The following NAALADL2 variants were observed in gnomAD, a reference collection of about 807,000 sequenced individuals.
The protein encoded by NAALADL2 is N-acetylated alpha-linked acidic dipeptidase like 2.
In NAALADL2, 76 loss-of-function variants were observed where a neutral mutation model predicts 87.2. The ratio of observed to expected loss-of-function variants is 0.87; its 90% CI spans 0.72 to 1.05. NAALADL2 has a LOEUF of 1.05. NAALADL2 is among the 50% of genes least tolerant of loss of function. NAALADL2 has a pLI of 0.00. For synonymous variants in NAALADL2, 354 were observed against 331.0 expected, an observed-to-expected ratio of 1.07 and a Z score of -0.75; for missense variants, 1,089 against 945.8, an observed-to-expected ratio of 1.15 and a Z score of -1.99.
intron 1 of NAALADL2, among the ~76,000 whole-genome samples, chr3:174,963,496 T>C (rs1483866093): frequency 6.6e-6 from 1 of 152,138 alleles, no homozygotes; most frequent in Admixed American, 6.6e-5. Flanking sequence ...GAAAACCTTA[T>C]AGTAACTAGA....
At chr3:174,802,685 A>G (rs981888934) in intron 3 of NAALADL2, among the ~76,000 whole-genome samples, 11 of 151,976 alleles carry the variant, frequency 7.2e-5, no homozygotes, top group Non-Finnish European at 1.2e-4. Context: ...CCCTGTGTCT[A>G]TGTGTTCCTG....
chr3:175,697,581 G>A (rs1181106168), intron 11 of NAALADL2, among the ~76,000 whole-genome samples: 1 of 151,552 alleles, frequency 6.6e-6, no homozygotes, highest in Non-Finnish European at 1.5e-5. Context: ...AGAGTTATGG[G>A]ATAACTCTGA....
intron 3 of NAALADL2, among the ~76,000 whole-genome samples, chr3:174,794,750 A>G (rs1191903406): frequency 6.6e-6 from 1 of 152,126 alleles, no homozygotes; most frequent in Non-Finnish European, 1.5e-5. Context: ...GCTGAGAAAT[A>G]AGATACTCTG....
At chr3:174,450,869 CAAAAAAAAAAAAA>C (rs761513802) in intron 1 of NAALADL2, among the ~76,000 whole-genome samples, 2 of 74,896 alleles carry the variant, frequency 2.7e-5, no homozygotes, top group Non-Finnish European at 5.3e-5. Context: ...GACTCTGTCT[CAAAAAAAAAAAAA>C]AAAAAAAAAA....
chr3:175,426,264 G>A (rs541114949), intron 5 of NAALADL2, among the ~76,000 whole-genome samples: 5 of 152,284 alleles, frequency 3.3e-5, no homozygotes, highest in African/African-American at 4.8e-5. Flanking sequence ...TTGGGAGGCC[G>A]AGGCAGGAGA....
At chr3:174,871,562 C>A (rs1417639919) in intron 1 of NAALADL2, among the ~76,000 whole-genome samples, 1 of 152,180 alleles carries the variant, frequency 6.6e-6, no homozygotes, top group Non-Finnish European at 1.5e-5. Context: ...CTTCTCTATA[C>A]ATCTTTCTGC....
At chr3:175,676,032 C>CATTATACATA (rs1361345655) in intron 11 of NAALADL2, 2 of 152,198 alleles carry the variant, frequency 1.3e-5, no homozygotes, top group Non-Finnish European at 2.9e-5. Flanking sequence ...CAATGTCTTA[C>CATTATACATA]ATGATACATA....
At chr3:174,704,551 TA>T (rs1729878074) in intron 2 of NAALADL2, among the ~76,000 whole-genome samples, 2 of 152,072 alleles carry the variant, frequency 1.3e-5, no homozygotes, top group African/African-American at 4.8e-5. Context: ...TACTGGAGGA[TA>T]AATGAGACAA....
intron 1 of NAALADL2, among the ~76,000 whole-genome samples, chr3:174,906,470 C>T (rs948445341): frequency 2.0e-5 from 3 of 152,130 alleles, no homozygotes; most frequent in African/African-American, 4.8e-5. Flanking sequence ...ATCTCTCTCA[C>T]TTGTTCCAAG....
intron 11 of NAALADL2, among the ~76,000 whole-genome samples, chr3:175,728,135 A>C (rs552815854): frequency 6.6e-6 from 1 of 152,296 alleles, no homozygotes; most frequent in Admixed American, 6.5e-5. Flanking sequence ...ATCTTGCTAT[A>C]GGTCAAGGGG....
At chr3:174,753,987 G>C (rs1366962204) in intron 3 of NAALADL2, among the ~76,000 whole-genome samples, 2 of 152,136 alleles carry the variant, frequency 1.3e-5, no homozygotes, top group African/African-American at 4.8e-5. Flanking sequence ...GCCCTCCCAG[G>C]AACCCAATTA....
At chr3:174,508,356 G>A (rs528952762) in intron 1 of NAALADL2, among the ~76,000 whole-genome samples, 22 of 152,092 alleles carry the variant, frequency 1.4e-4, no homozygotes, top group Admixed American at 9.8e-4. Flanking sequence ...CTTGTGATCC[G>A]CCCGTCTCGG....
chr3:175,307,897 A>G (rs1235325668), intron 4 of NAALADL2, among the ~76,000 whole-genome samples: 1 of 152,190 alleles, frequency 6.6e-6, no homozygotes, highest in Non-Finnish European at 1.5e-5. Context: ...AATTACTTTC[A>G]CTTTCAAATA....
intron 1 of NAALADL2, among the ~76,000 whole-genome samples, chr3:175,001,449 G>C (rs991585413): frequency 1.3e-5 from 2 of 152,086 alleles, no homozygotes; most frequent in Non-Finnish European, 2.9e-5. Flanking sequence ...CTCCACTTCT[G>C]ATTGGTGTAA....
chr3:175,228,723 T>A (rs1744518977), intron 2 of NAALADL2, among the ~76,000 whole-genome samples: 1 of 151,934 alleles, frequency 6.6e-6, no homozygotes, highest in African/African-American at 2.4e-5. Context: ...GAAAAGTTTG[T>A]CTTTTAAAAA....
At chr3:174,739,523 C>G (rs1319579326) in intron 3 of NAALADL2, among the ~76,000 whole-genome samples, 1 of 151,904 alleles carries the variant, frequency 6.6e-6, no homozygotes. Flanking sequence ...AGTTCATGAT[C>G]GTATGTAGAC....
chr3:175,062,480 G>GTGTGTGTGTA (rs1713708020), intron 1 of NAALADL2, among the ~76,000 whole-genome samples: 1 of 80,710 alleles, frequency 1.2e-5, no homozygotes, highest in African/African-American at 5.9e-5. Flanking sequence ...GTTTGGCTGT[G>GTGTGTGTGTA]TGTGTGTGTG....
intron 10 of NAALADL2, among the ~76,000 whole-genome samples, chr3:175,619,382 T>G (rs1725879128): frequency 6.6e-6 from 1 of 151,444 alleles, no homozygotes. Context: ...ACTAACAAGA[T>G]TGCCTCCCAA....
At chr3:175,472,926 T>C (rs532056308) in intron 9 of NAALADL2, among the ~76,000 whole-genome samples, 1 of 152,218 alleles carries the variant, frequency 6.6e-6, no homozygotes, top group South Asian at 2.1e-4. Context: ...CTTGGAAATT[T>C]AAGATATTTC....
Sources: allele counts gnomAD v4.1 joint callset (sites outside exome capture counted in the v4.1 genomes callset), GRCh38; gene constraint gnomAD v4.1.1; transcripts MANE v1.5; gene names NCBI Gene and HGNC (gene_info 2026-07-23, HGNC 2026-07-21).